The following HHIPL1 variants were observed in gnomAD, a reference collection of about 807,000 sequenced individuals.
HHIPL1 encodes the protein HHIP like 1.
HHIPL1 carries 43 observed loss-of-function variants against 61.8 expected under a neutral mutation model. The observed-to-expected ratio is 0.70, with a 90% CI of 0.55 to 0.90. The LOEUF is 0.90. Among genes scored for constraint, HHIPL1 ranks in the 40% least tolerant of loss-of-function variants. HHIPL1 has a pLI of 0.00. For synonymous variants in HHIPL1, 482 were observed against 515.8 expected (o/e 0.93, Z 0.89); for missense variants, 1,056 against 1,157.7 (o/e 0.91, Z 1.28).
At position 99,660,147 on chromosome 14, in the gene HHIPL1, ACGCCAGCCCTGCTGTG is replaced by A; in HGVS notation, c.1376-132_1376-117del. On this transcript the variant is annotated intron_variant, in intron 4 of 8. Transcript: ENST00000330710. This position sits in a 1 kb window ranked among gnomAD's most constrained non-coding sequence, Gnocchi z 4.9. ...CCACCACGCCAGCCCTGCTGTGGGC[ACGCCAGCCCTGCTGTG>A]GGCACGCCCCTCCCTCCGTGGCCGC... The A allele has an allele frequency of 2.8e-6, 3 of 1,090,256 alleles. No homozygotes were observed. The highest frequency in any genetic ancestry group is 4.0e-6 in the Non-Finnish European group (3 of 758,724). 67.5% of individuals were successfully genotyped at this position (1,090,256 alleles called of 1,614,324 possible).
intron 1 of HHIPL1, among the ~76,000 whole-genome samples, chr14:99,649,037 G>A (rs2055885427): frequency 6.6e-6 from 1 of 152,162 alleles, no homozygotes. Flanking sequence ...AACACACTGA[G>A]GCCAAGCTGC....
chr14:99,670,353 C>T (rs1034402791), intron 7 of HHIPL1, among the ~76,000 whole-genome samples: 2 of 152,188 alleles, frequency 1.3e-5, no homozygotes, highest in African/African-American at 2.4e-5. Context: ...CTCAAGTGAT[C>T]GGCCCACCTC....
Position 99,668,069 on chromosome 14 carries a change from C to T in HHIPL1, c.1649-153C>T, listed in dbSNP as rs2140089481. Among the ~76,000 whole-genome samples the T allele has an allele frequency of 6.6e-6, 1 of 152,288 alleles. No individual in the cohort carries two copies. Among genetic ancestry groups the T allele is most frequent in the Non-Finnish European group, 1.5e-5 (1 of 68,008 alleles). ...CAGCCTCACTTCCTCTTTCTGGGGA[C>T]TGGACAGCTAGACTGAGCTGGGATG... is the stretch of plus-strand genomic sequence containing the variant. On this transcript the variant is annotated intron_variant, in intron 6 of 8. Transcript: ENST00000330710. This position sits in a 1 kb window ranked among gnomAD's most constrained non-coding sequence, Gnocchi z 4.7.
At chr14:99,631,222 A>C in the HHIPL1 span, among the ~76,000 whole-genome samples, 1 of 150,870 alleles carries the variant, frequency 6.6e-6, no homozygotes, top group African/African-American at 2.4e-5. Flanking sequence ...CTCAGCCCCC[A>C]GAGTAGCTGG....
the HHIPL1 span, among the ~76,000 whole-genome samples, chr14:99,631,775 C>G: frequency 6.6e-6 from 1 of 152,154 alleles, no homozygotes; most frequent in Admixed American, 6.5e-5. Context: ...CGCCACCATG[C>G]CCAGCCTTCA....
Position 99,660,986 on chromosome 14 carries a change from C to G in HHIPL1, c.1502+580C>G, listed in dbSNP as rs1237691592. 1.3e-5 allele frequency among the ~76,000 whole-genome samples: 2 copies of G among 152,176 alleles called. No homozygotes were observed. Among genetic ancestry groups the G allele is most frequent in the Admixed American group, 6.5e-5 (1 of 15,276 alleles). On this transcript the variant is annotated intron_variant, in intron 5 of 8. Transcript: ENST00000330710. The surrounding 1 kb of genome is among the most constrained non-coding windows in gnomAD (Gnocchi z 4.9). ...CCTTGGAGCCTTGCTGCCCTGCCCC[C>G]GTGCTCTAGGGCAGCAGTACCACCC... is the stretch of plus-strand genomic sequence containing the variant.
intron 2 of HHIPL1, among the ~76,000 whole-genome samples, chr14:99,656,228 A>G (rs2056025035): frequency 1.3e-5 from 2 of 152,214 alleles, no homozygotes; most frequent in Admixed American, 6.5e-5. Context: ...TAGGTCGACA[A>G]TTTCCCATAA....
At chr14:99,642,047 C>G (rs2055758628), upstream of HHIPL1, among the ~76,000 whole-genome samples, 2 of 151,722 alleles carry the variant, frequency 1.3e-5, no homozygotes, top group Non-Finnish European at 2.9e-5. Context: ...TCAAGTGATT[C>G]TCCCGCCTCA....
the HHIPL1 span, among the ~76,000 whole-genome samples, chr14:99,623,647 C>G: frequency 6.6e-6 from 1 of 152,248 alleles, no homozygotes; most frequent in African/African-American, 2.4e-5. Context: ...ATCCTGGTCT[C>G]AAGCAACCCT....
chr14:99,606,116 T>A, the HHIPL1 span, among the ~76,000 whole-genome samples: 1 of 152,016 alleles, frequency 6.6e-6, no homozygotes, highest in African/African-American at 2.4e-5. Flanking sequence ...TTCGCCACTC[T>A]CTCCAGACAG....
chr14:99,605,910 G>C, the HHIPL1 span, among the ~76,000 whole-genome samples: 1 of 152,180 alleles, frequency 6.6e-6, no homozygotes, highest in East Asian at 1.9e-4. Context: ...GGGAAGAGGC[G>C]TGAGAGCTGA....
At chr14:99,669,810 AGCTACTTGGGATGCTAAGGTGAGAG>A (rs1483480789) in intron 7 of HHIPL1, among the ~76,000 whole-genome samples, 6 of 152,310 alleles carry the variant, frequency 3.9e-5, no homozygotes, top group Non-Finnish European at 8.8e-5. Context: ...CTATAGTCCC[AGCTACTTGGGATGCTAAGGTGAGAG>A]GATCACTCGA....
the HHIPL1 span, among the ~76,000 whole-genome samples, chr14:99,613,779 T>G: frequency 6.6e-6 from 1 of 151,816 alleles, no homozygotes; most frequent in Non-Finnish European, 1.5e-5. Flanking sequence ...GGCGCAGTGG[T>G]GCACACCTGT....
chr14:99,645,260 C>T lies in HHIPL1; in HGVS notation c.53C>T (p.Ala18Val). The T allele has an allele frequency of 7.1e-7, 1 of 1,399,936 alleles. No homozygotes were observed. The highest frequency in any genetic ancestry group is 9.3e-7 in the Non-Finnish European group (1 of 1,080,746). 86.7% of individuals were successfully genotyped at this position (1,399,936 alleles called of 1,614,324 possible). Residue 18 changes from alanine (A) to valine (V), a missense_variant, in exon 1 of 9, where the codon GCC becomes GTC. Coordinates refer to ENST00000330710, the MANE Select transcript of HHIPL1 (RefSeq NM_001127258.3). Reference protein sequence around the residue: ...ALLALWVLGAAAHPQCLDFRP... With the variant: ...ALLALWVLGAVAHPQCLDFRP... ...CTGGCGCTTTGGGTGCTCGGGGCCG[C>T]CGCGCATCCGCAGTGCCTGGACTTC...
Position 99,675,152 on chromosome 14 carries a change from C to A in HHIPL1, c.1875C>A (p.Pro625=). 1 of 1,107,476 alleles carries A rather than the reference C, an allele frequency of 9.0e-7. No individual in the cohort carries two copies. The highest frequency in any genetic ancestry group is 5.9e-5 in the East Asian group (1 of 16,922). 68.6% of individuals were successfully genotyped at this position (1,107,476 alleles called of 1,614,324 possible). A position where few individuals can be genotyped will look rare whatever the true frequency, so the allele number is the denominator to read the frequency against. ...RPTARAPTRA[P]RRGRPTAAPP... The stretch of plus-strand genomic sequence containing the variant: ...CAGCGCGGGCGCCCACGCGGGCGCC[C>A]CGCCGAGGGCGCCCCACGGCCGCTC... Residue 625 remains proline, a synonymous_variant, in exon 9 of 9, where the codon CCC becomes CCA. Transcript: ENST00000330710. This position sits in a 1 kb window ranked among gnomAD's most constrained non-coding sequence, Gnocchi z 5.4.
At chr14:99,636,770 T>C in the HHIPL1 span, among the ~76,000 whole-genome samples, 1 of 151,618 alleles carries the variant, frequency 6.6e-6, no homozygotes, top group African/African-American at 2.4e-5. Flanking sequence ...GGAGAATTGC[T>C]TGAGCCCAGG....
At chr14:99,627,465 C>T in the HHIPL1 span, among the ~76,000 whole-genome samples, 1 of 152,242 alleles carries the variant, frequency 6.6e-6, no homozygotes, top group South Asian at 2.1e-4. This position sits in a 1 kb window ranked among gnomAD's most constrained non-coding sequence, Gnocchi z 4.4. Flanking sequence ...TACATTTCTT[C>T]ATTCAGTTCC....
At chr14:99,671,339 C>T (rs888573585) in intron 7 of HHIPL1, among the ~76,000 whole-genome samples, 2 of 152,192 alleles carry the variant, frequency 1.3e-5, no homozygotes, top group Admixed American at 1.3e-4. Flanking sequence ...CTGGGTCTGT[C>T]TGAAGTGTGT....
the HHIPL1 span, among the ~76,000 whole-genome samples, chr14:99,631,599 C>G: frequency 6.6e-6 from 1 of 152,120 alleles, no homozygotes; most frequent in African/African-American, 2.4e-5. Flanking sequence ...CCTTTCTGCT[C>G]AGAATTTATA....
Sources: gnomAD v4.1 joint callset for allele counts (sites outside exome capture counted in the v4.1 genomes callset) on GRCh38, gnomAD v4.1.1 for gene constraint, Gnocchi (gnomAD v3.1) non-coding constraint, MANE v1.5 for transcripts, NCBI Gene and HGNC (gene_info 2026-07-23, HGNC 2026-07-21) for gene names.